Variants in PCDHA1 observed in about 807,000 individuals in gnomAD.
PCDHA1 encodes protocadherin alpha-1.
PCDHA1 carries 42 observed loss-of-function variants against 61.3 expected under a neutral mutation model. The observed-to-expected ratio is 0.69, with a 90% CI of 0.54 to 0.89. The LOEUF (loss-of-function observed/expected upper bound fraction) is 0.89, where lower values mean the gene tolerates loss of function less well. Ranked by LOEUF, PCDHA1 falls within the 40% of genes least tolerant of loss-of-function variation. The pLI is 0.00. For synonymous variants in PCDHA1, 610 were observed against 553.8 expected, an observed-to-expected ratio of 1.10 and a Z score of -1.43; for missense variants, 1,256 against 1,235.3, an observed-to-expected ratio of 1.02 and a Z score of -0.25.
intron 1 of PCDHA1, chr5:140,807,913 T>G (rs544486989): frequency 6.2e-7 from 1 of 1,614,158 alleles, no homozygotes; most frequent in East Asian, 2.2e-5. Context: ...CCCCAGCTTT[T>G]GACAGAACCA....
At chr5:140,863,524 T>A in intron 1 of PCDHA1, 1 of 397,376 alleles carries the variant, frequency 2.5e-6, no homozygotes, top group Non-Finnish European at 4.9e-6. Context: ...CTCCCATGGT[T>A]CAGATTTTGG....
intron 1 of PCDHA1, among the ~76,000 whole-genome samples, chr5:140,789,393 A>G (rs1221251457): frequency 1.3e-5 from 2 of 152,202 alleles, no homozygotes; most frequent in Non-Finnish European, 2.9e-5. Context: ...CAGAGGTTGT[A>G]GTGAACCGAA....
At chr5:140,941,558 A>G (rs903071259) in intron 1 of PCDHA1, among the ~76,000 whole-genome samples, 1 of 151,596 alleles carries the variant, frequency 6.6e-6, no homozygotes, top group African/African-American at 2.4e-5. Context: ...CTCGTGATCC[A>G]TTCGCCTCAG....
At chr5:140,796,530 G>A (rs782625650) in intron 1 of PCDHA1, 2 of 1,612,698 alleles carry the variant, frequency 1.2e-6, no homozygotes, top group East Asian at 4.5e-5. Flanking sequence ...CGCTGCAGCC[G>A]CTGGACCACG....
chr5:140,881,446 TC>T, intron 1 of PCDHA1: 1 of 787,056 alleles, frequency 1.3e-6, no homozygotes, highest in Non-Finnish European at 1.5e-6. Flanking sequence ...AAAAACAGAA[TC>T]CAAAACCTTA....
rs782252615 is a variant in PCDHA1 at position 140,805,132 on chromosome 5, T to C, written c.2394+16448T>C. ...TCTAACAAGACTCTTGGCAAAGACA[T>C]TTTGAAGACTTTGGAATTTTCACTT... On this transcript the variant is annotated intron_variant, in intron 1 of 3. Coordinates refer to ENST00000504120, the MANE Select transcript of PCDHA1 (RefSeq NM_018900.4). The C allele has an allele frequency of 7.6e-6, 12 of 1,575,886 alleles. No homozygotes were observed. The Admixed American group carries it at 2.1e-4, about 28-fold the overall frequency.
intron 1 of PCDHA1, chr5:140,828,590 A>G (rs1562298438): frequency 3.1e-6 from 5 of 1,614,240 alleles, no homozygotes; most frequent in Non-Finnish European, 4.2e-6. Flanking sequence ...CTCAAATTCC[A>G]TCTTAACCTA....
intron 1 of PCDHA1, chr5:140,858,229 G>A (rs1335853818): frequency 6.3e-7 from 1 of 1,596,360 alleles, no homozygotes. Context: ...CGCCCACCGA[G>A]GGCGCATGTG....
rs2150233090 is a variant in PCDHA1 at position 140,847,186 on chromosome 5, T to C, written c.2394+58502T>C. On this transcript the variant is annotated intron_variant, in intron 1 of 3. Transcript: ENST00000504120. ...TAATAAACTAAAGGGCCATGAGTGA[T>C]TAAGGAATTTGGCCACTCTTTAGAA... Among the ~76,000 whole-genome samples, 2 of 149,618 alleles carry C rather than the reference T, an allele frequency of 1.3e-5. 1 individual carries two copies. Among genetic ancestry groups the C allele is most frequent in the African/African-American group, 4.9e-5 (2 of 40,934 alleles).
At chr5:140,964,509 C>T (rs552530683) in intron 1 of PCDHA1, among the ~76,000 whole-genome samples, 1 of 152,258 alleles carries the variant, frequency 6.6e-6, no homozygotes, top group Non-Finnish European at 1.5e-5. Flanking sequence ...GGTCAATACC[C>T]AGTGGCCAGG....
In PCDHA1 at chr5:140,807,674, G is replaced by T. The variant is rs782061737; in HGVS notation, c.2394+18990G>T. Reference sequence around the variant, plus strand: ...AGAGGGCGCCTCGGATGCAGATATCGGGGAGAACGCCCTGCTCACTTACAG... The same window carrying T: ...AGAGGGCGCCTCGGATGCAGATATCTGGGAGAACGCCCTGCTCACTTACAG... On this transcript the variant is annotated intron_variant, in intron 1 of 3. Coordinates refer to ENST00000504120, the MANE Select transcript of PCDHA1 (RefSeq NM_018900.4). The T allele has an allele frequency of 3.2e-5, 52 of 1,614,088 alleles. No homozygotes were observed. In the South Asian group the frequency reaches 4.9e-4, roughly 15 times the overall value.
chr5:140,821,559 G>A (rs1767000496), intron 1 of PCDHA1: 2 of 518,472 alleles, frequency 3.9e-6, no homozygotes, highest in Admixed American at 3.7e-5. Context: ...ACATGATGTC[G>A]CTGGACACCG....
chr5:140,900,768 T>A (rs1554189412), intron 1 of PCDHA1, among the ~76,000 whole-genome samples: 2 of 152,192 alleles, frequency 1.3e-5, no homozygotes, highest in Non-Finnish European at 1.5e-5. Context: ...TATTTTTGGC[T>A]TTTTGAGGAA....
intron 1 of PCDHA1, among the ~76,000 whole-genome samples, chr5:140,798,130 C>T (rs1762298949): frequency 6.6e-6 from 1 of 152,144 alleles, no homozygotes; most frequent in Admixed American, 6.5e-5. Context: ...CCTAGGCCTC[C>T]CAAAGTGCTG....
intron 1 of PCDHA1, chr5:140,829,507 C>A: frequency 1.2e-6 from 2 of 1,613,584 alleles, no homozygotes; most frequent in Non-Finnish European, 1.7e-6. Context: ...CGCCGGGCTG[C>A]CACATCTTCA....
Position 140,877,369 on chromosome 5 carries a change from A to C in PCDHA1, c.2394+88685A>C, listed in dbSNP as rs201135340. 6.4e-5 allele frequency: 103 copies of C among 1,614,000 alleles called. No homozygotes were observed. The African/African-American group carries it at 1.3e-3, about 20-fold the overall frequency. ...GGGGCTGTACACTGGCGAGATCAGC[A>C]CGACACGCATCCTGGATGAGGCGGA... On this transcript the variant is annotated intron_variant, in intron 1 of 3. Transcript: ENST00000504120.
At chr5:140,901,716 G>A (rs555901106) in intron 1 of PCDHA1, among the ~76,000 whole-genome samples, 1 of 152,176 alleles carries the variant, frequency 6.6e-6, no homozygotes, top group South Asian at 2.1e-4. Flanking sequence ...TTTTCAGATT[G>A]TCTTTTCTAT....
intron 2 of PCDHA1, among the ~76,000 whole-genome samples, chr5:140,979,807 A>G (rs376087021): frequency 1.3e-4 from 20 of 152,376 alleles, no homozygotes; most frequent in African/African-American, 4.1e-4. Flanking sequence ...CACAACTATC[A>G]AAAGGATTTA....
chr5:140,875,675 C>G, intron 1 of PCDHA1: 8 of 1,613,858 alleles, frequency 5.0e-6, no homozygotes, highest in Non-Finnish European at 6.8e-6. Context: ...CGGGTGGCGT[C>G]CAAAAGACAC....
Sources: gnomAD v4.1 joint callset for allele counts (sites outside exome capture counted in the v4.1 genomes callset) on GRCh38, gnomAD v4.1.1 for gene constraint, MANE v1.5 for transcripts, NCBI Gene and HGNC (gene_info 2026-07-23, HGNC 2026-07-21) for gene names.